Variants in MAPKAPK5 observed in about 807,000 individuals in gnomAD.
The protein encoded by MAPKAPK5 is MAP kinase-activated protein kinase 5.
MAPKAPK5 carries 30 observed loss-of-function variants against 65.1 expected under a neutral mutation model. The ratio of observed to expected loss-of-function variants is 0.46; its 90% confidence interval spans 0.34 to 0.63. The LOEUF (loss-of-function observed/expected upper bound fraction) is 0.63. Ranked by LOEUF, MAPKAPK5 falls within the 20% of genes least tolerant of loss-of-function variation. MAPKAPK5 has a pLI of 0.01. For synonymous variants in MAPKAPK5, 179 were observed against 204.6 expected (o/e 0.87, Z 1.07); for missense variants, 433 against 581.4 (o/e 0.74, Z 2.63).
rs546596478 is a variant in MAPKAPK5, at chr12:111,898,820, C to T, written c.*5759C>T. 1 of 152,116 alleles carries T rather than the reference C, an allele frequency of 6.6e-6. No homozygotes were observed. Among genetic ancestry groups the T allele is most frequent in the East Asian group, 1.9e-4 (1 of 5,168 alleles). 9.4% of individuals were successfully genotyped at this position (152,116 alleles called of 1,614,324 possible). The stretch of plus-strand genomic sequence containing the variant: ...AGAACTTTGTCCTTTTCAGAGATCC[C>T]CAGAGAAGCCCTGCCCCCTTCCCCC... On this transcript the variant is annotated 3_prime_UTR_variant, in exon 14 of 14. Transcript: ENST00000550735.
At chr12:111,876,791 T>G (rs1291310794) in intron 7 of MAPKAPK5, among the ~76,000 whole-genome samples, 1 of 152,110 alleles carries the variant, frequency 6.6e-6, no homozygotes, top group African/African-American at 2.4e-5. Context: ...CTTCTTCCCT[T>G]CTGATATATA....
chr12:111,842,473 A>C lies in MAPKAPK5; in HGVS notation c.-261A>C. On this transcript the variant is annotated 5_prime_UTR_variant, in exon 1 of 14. Transcript: ENST00000550735. ...CTCCCCAGCTGGGGATGAGGCTAGG[A>C]GGCGGCCGCGTGGGGCCCAGCACAA... 1 of 311,240 alleles carries C rather than the reference A, an allele frequency of 3.2e-6. No individual in the cohort carries two copies. 19.3% of individuals were successfully genotyped at this position (311,240 alleles called of 1,614,324 possible). A position where few individuals can be genotyped will look rare whatever the true frequency, so the allele number is the denominator to read the frequency against.
intron 7 of MAPKAPK5, among the ~76,000 whole-genome samples, chr12:111,878,239 A>G (rs1055935922): frequency 1.3e-5 from 2 of 152,026 alleles, no homozygotes; most frequent in Non-Finnish European, 2.9e-5. Flanking sequence ...ACCCAAGATC[A>G]GTCTCCTATG....
chr12:111,873,757 T>A (rs1381924715), intron 7 of MAPKAPK5, among the ~76,000 whole-genome samples: 1 of 152,252 alleles, frequency 6.6e-6, no homozygotes, highest in Non-Finnish European at 1.5e-5. Context: ...TGCATTATTG[T>A]AGCTTTATAT....
At chr12:111,868,160 C>T (rs1296256393) in intron 4 of MAPKAPK5, among the ~76,000 whole-genome samples, 1 of 152,128 alleles carries the variant, frequency 6.6e-6, no homozygotes, top group Non-Finnish European at 1.5e-5. Flanking sequence ...CTTTTAGTTA[C>T]CAAATGTTTG....
intron 4 of MAPKAPK5, 32 bp downstream of exon 4, chr12:111,867,701 C>A: frequency 6.6e-7 from 1 of 1,509,746 alleles, no homozygotes; most frequent in Non-Finnish European, 9.2e-7. Context: ...ATCAAATGCC[C>A]ACATGTAGGC....
chr12:111,862,154 T>A (rs878911494), intron 1 of MAPKAPK5, among the ~76,000 whole-genome samples: 2 of 151,218 alleles, frequency 1.3e-5, no homozygotes, highest in Admixed American at 6.6e-5. Context: ...AAGGTGTGTG[T>A]TAACTTTTTT....
At chr12:111,870,698 C>T (rs1852411913) in intron 6 of MAPKAPK5, among the ~76,000 whole-genome samples, 1 of 152,074 alleles carries the variant, frequency 6.6e-6, no homozygotes, top group Non-Finnish European at 1.5e-5. Flanking sequence ...TCCCCTGCCC[C>T]ATGTCTCACC....
chr12:111,882,894 A>C (rs1170259582), intron 8 of MAPKAPK5: 1 of 957,072 alleles, frequency 1.0e-6, no homozygotes, highest in Admixed American at 6.2e-5. Context: ...TTCTACATAG[A>C]GGTTTCACAA....
At position 111,900,392 on chromosome 12, in the gene MAPKAPK5, C is replaced by T. The variant is rs534382058; in HGVS notation, c.*7331C>T. On this transcript the variant is annotated 3_prime_UTR_variant, in exon 14 of 14. Transcript: ENST00000550735. ...TCGGGCACAACCTGGGTATTCAGCA[C>T]GACCACTCGGCCTGCTTTTGTAAAG... The T allele has an allele frequency of 6.6e-6, 3 of 456,034 alleles. No homozygotes were observed. The highest frequency in any genetic ancestry group is 1.4e-4 in the East Asian group (2 of 14,396). 28.2% of individuals were successfully genotyped at this position (456,034 alleles called of 1,614,324 possible).
intron 5 of MAPKAPK5, among the ~76,000 whole-genome samples, chr12:111,869,194 A>G (rs941711657): frequency 6.6e-6 from 1 of 152,210 alleles, no homozygotes; most frequent in African/African-American, 2.4e-5. Flanking sequence ...GGACTTTGCA[A>G]TAAAATGCTG....
intron 1 of MAPKAPK5, among the ~76,000 whole-genome samples, chr12:111,854,181 C>T (rs1341433653): frequency 1.3e-5 from 2 of 151,822 alleles, no homozygotes; most frequent in African/African-American, 2.4e-5. Context: ...AGTATACCCT[C>T]CTCTATGGGA....
chr12:111,885,001 C>G (rs1217033474), intron 9 of MAPKAPK5, among the ~76,000 whole-genome samples: 2 of 152,220 alleles, frequency 1.3e-5, no homozygotes, highest in Non-Finnish European at 2.9e-5. Context: ...TCTTGACATG[C>G]TATTTCCTTG....
In MAPKAPK5 at chr12:111,888,776, A is replaced by G. The variant is rs1188254644; in HGVS notation, c.1101-109A>G. The G allele has an allele frequency of 1.5e-5, 23 of 1,515,630 alleles. No individual in the cohort carries two copies. In the East Asian group the frequency reaches 3.6e-4, roughly 24 times the overall value. 93.9% of individuals were successfully genotyped at this position (1,515,630 alleles called of 1,614,324 possible). On this transcript the variant is annotated intron_variant, in intron 11 of 13. Transcript: ENST00000550735. ...TAAATAGTATCAGGAGTTGGACACT[A>G]TTGTTATTTTTCTGATACATCTGTT...
rs2070926342 is a variant in MAPKAPK5, at chr12:111,899,046, A to G, written c.*5985A>G. On this transcript the variant is annotated 3_prime_UTR_variant, in exon 14 of 14. Coordinates refer to ENST00000550735, the MANE Select transcript of MAPKAPK5 (RefSeq NM_003668.4). ...GAAGATTAAAGTTGTTGCTGTTGGA[A>G]GGAAGACATACTAAAGAAACTGCCG... 1.3e-5 allele frequency: 2 copies of G among 152,258 alleles called. No homozygotes were observed. Among genetic ancestry groups the G allele is most frequent in the African/African-American group, 4.8e-5 (2 of 41,442 alleles). The allele number at this position is 152,258 out of a possible 1,614,324, so 9.4% of individuals were successfully genotyped here. A position where few individuals can be genotyped will look rare whatever the true frequency, so the allele number is the denominator to read the frequency against.
Position 111,900,485 on chromosome 12 carries a change from C to T in MAPKAPK5, c.*7424C>T. ...GTGGCTTCAGCAGCTGCAGCTCTGACTACTTCTACCAGTTCCTTCGAGAAC... is the reference window on the plus strand; with the variant it reads ...GTGGCTTCAGCAGCTGCAGCTCTGATTACTTCTACCAGTTCCTTCGAGAAC... On this transcript the variant is annotated 3_prime_UTR_variant, in exon 14 of 14. Transcript: ENST00000550735. 2.2e-6 allele frequency: 1 copy of T among 456,098 alleles called. No individual in the cohort carries two copies. Among genetic ancestry groups the T allele is most frequent in the Non-Finnish European group, 4.4e-6 (1 of 226,818 alleles). The allele number at this position is 456,098 out of a possible 1,614,324, so 28.3% of individuals were successfully genotyped here.
At chr12:111,846,022 C>T (rs1487365241) in intron 1 of MAPKAPK5, among the ~76,000 whole-genome samples, 3 of 152,120 alleles carry the variant, frequency 2.0e-5, no homozygotes, top group African/African-American at 7.2e-5. Context: ...TTGACTCTTG[C>T]CCAGCCCAAT....
intron 7 of MAPKAPK5, among the ~76,000 whole-genome samples, chr12:111,875,187 T>C (rs1192846837): frequency 5.9e-5 from 9 of 152,146 alleles, no homozygotes. Context: ...TTTTTTCTTT[T>C]TCTTTTTTGA....
chr12:111,863,786 A>G lies in MAPKAPK5; in HGVS notation c.37-1464A>G, dbSNP rs568464892. 8.6e-5 allele frequency among the ~76,000 whole-genome samples: 13 copies of G among 151,658 alleles called. No individual in the cohort carries two copies. In the South Asian group the frequency reaches 2.7e-3, roughly 32 times the overall value. On this transcript the variant is annotated intron_variant, in intron 1 of 13. Coordinates refer to ENST00000550735, the MANE Select transcript of MAPKAPK5 (RefSeq NM_003668.4). ...CATGCCTGGCTAATTTTGTATTTTT[A>G]GTAGAGATGGGGATTCTCCATGTTG...
Sources: gnomAD v4.1 joint callset for allele counts (sites outside exome capture counted in the v4.1 genomes callset) on GRCh38, gnomAD v4.1.1 for gene constraint, MANE v1.5 for transcripts, NCBI Gene and HGNC (gene_info 2026-07-23, HGNC 2026-07-21) for gene names.